The following CLIC5 variants were observed in gnomAD, a reference collection of about 807,000 sequenced individuals.
CLIC5 encodes the protein chloride intracellular channel protein 5.
Under a neutral mutation model 24.7 loss-of-function variants are expected in CLIC5, and 20 were observed. The ratio of observed to expected loss-of-function variants is 0.81; its 90% confidence interval spans 0.57 to 1.18. The LOEUF (loss-of-function observed/expected upper bound fraction) is 1.18. CLIC5 is among the 50% of genes most tolerant of loss of function. CLIC5 has a pLI of 0.00. For missense variants in CLIC5, 341 were observed against 326.1 expected, an observed-to-expected ratio of 1.05 and a Z score of -0.35; for synonymous variants, 159 against 135.6, an observed-to-expected ratio of 1.17 and a Z score of -1.20.
chr6:45,957,285 G>A (rs1176273546), intron 1 of CLIC5, among the ~76,000 whole-genome samples: 1 of 152,108 alleles, frequency 6.6e-6, no homozygotes, highest in African/African-American at 2.4e-5. Flanking sequence ...GTCAGGCATT[G>A]TTCTAAAGGA....
chr6:45,945,385 A>T (rs1764257311), intron 3 of CLIC5, among the ~76,000 whole-genome samples: 1 of 152,126 alleles, frequency 6.6e-6, no homozygotes, highest in Admixed American at 6.5e-5. Flanking sequence ...CTCTCACCTA[A>T]GTTGGGATCA....
At chr6:46,019,036 T>C (rs553518255), upstream of CLIC5, among the ~76,000 whole-genome samples, 34 of 151,280 alleles carry the variant, frequency 2.2e-4, no homozygotes, top group African/African-American at 8.0e-4. Context: ...ATGTGTATTG[T>C]AATCCCTAAA....
rs559810679 is a variant in CLIC5, at chr6:45,953,761, G to A, written c.173+1374C>T. On this transcript the variant is annotated intron_variant, in intron 2 of 5. Coordinates refer to ENST00000339561, the MANE Select transcript of CLIC5 (RefSeq NM_016929.5). ...ACATAAAGGATGGGTCAGAGAGAGA[G>A]AAAAAGAGAATGTGTGAACCTGGAA... 2.0e-5 allele frequency among the ~76,000 whole-genome samples: 3 copies of A among 152,252 alleles called. No individual in the cohort carries two copies. In the East Asian group the frequency reaches 5.8e-4, roughly 29 times the overall value.
At chr6:46,042,970 C>T (rs1283832679) in intron 1 of CLIC5, among the ~76,000 whole-genome samples, 2 of 152,202 alleles carry the variant, frequency 1.3e-5, no homozygotes, top group Admixed American at 1.3e-4. Context: ...TGCACGTTCT[C>T]TCTTGCTTAT....
intron 1 of CLIC5, among the ~76,000 whole-genome samples, chr6:46,071,587 G>A (rs1250193440): frequency 2.0e-5 from 3 of 152,010 alleles, no homozygotes; most frequent in South Asian, 4.1e-4. Flanking sequence ...AAAATAACAG[G>A]TGCTGGCAAA....
intron 1 of CLIC5, among the ~76,000 whole-genome samples, chr6:46,056,510 C>G (rs762710699): frequency 6.6e-6 from 1 of 152,144 alleles, no homozygotes; most frequent in African/African-American, 2.4e-5. Flanking sequence ...GTGTGTTGAG[C>G]AGCTCGTCCC....
chr6:45,933,873 G>A (rs1763836565), intron 4 of CLIC5, among the ~76,000 whole-genome samples: 1 of 152,170 alleles, frequency 6.6e-6, no homozygotes, highest in Non-Finnish European at 1.5e-5. Context: ...GAGAACACAG[G>A]GATTGTGAGA....
At chr6:45,941,408 G>GC (rs397775740) in intron 4 of CLIC5, 139 bp downstream of exon 4, 1 of 693,824 alleles carries the variant, frequency 1.4e-6, no homozygotes, top group East Asian at 2.6e-5. Context: ...GTGGCGGGGG[G>GC]TGGGGGCAAA....
chr6:45,939,214 C>G (rs1227540541), intron 4 of CLIC5, among the ~76,000 whole-genome samples: 4 of 148,722 alleles, frequency 2.7e-5, no homozygotes, highest in Non-Finnish European at 5.9e-5. Flanking sequence ...CCTCTCCTCT[C>G]CTCTTTTTTT....
chr6:46,101,609 CTGGCTTGTGTGGAGATT>C, the CLIC5 span, among the ~76,000 whole-genome samples: 1 of 152,162 alleles, frequency 6.6e-6, no homozygotes, highest in African/African-American at 2.4e-5. Flanking sequence ...CCAGCTAAAA[CTGGCTTGTGTGGAGATT>C]TGGCTATTAT....
the CLIC5 span, among the ~76,000 whole-genome samples, chr6:46,110,692 T>C: frequency 6.6e-6 from 1 of 152,136 alleles, no homozygotes. Flanking sequence ...TTCAAGATCT[T>C]GTGGGACCTC....
intron 1 of CLIC5, among the ~76,000 whole-genome samples, chr6:46,058,128 A>G (rs944993138): frequency 6.6e-6 from 1 of 152,044 alleles, no homozygotes; most frequent in African/African-American, 2.4e-5. Flanking sequence ...CACCTATATT[A>G]AGAACACTTG....
chr6:46,053,818 G>C (rs554226940), intron 1 of CLIC5, among the ~76,000 whole-genome samples: 5 of 152,156 alleles, frequency 3.3e-5, no homozygotes, highest in African/African-American at 4.8e-5. Context: ...CCTGGGGAGA[G>C]GCATTCCTCT....
intron 1 of CLIC5, among the ~76,000 whole-genome samples, chr6:45,960,968 A>G (rs972534661): frequency 6.6e-6 from 1 of 152,120 alleles, no homozygotes; most frequent in Admixed American, 6.5e-5. Flanking sequence ...TGTCATGGTT[A>G]CTCTTTTATC....
intron 1 of CLIC5, among the ~76,000 whole-genome samples, chr6:46,028,900 T>C (rs1767419587): frequency 6.6e-6 from 1 of 152,196 alleles, no homozygotes; most frequent in Non-Finnish European, 1.5e-5. Flanking sequence ...TAATAACATG[T>C]GTCTATCATT....
intron 4 of CLIC5, among the ~76,000 whole-genome samples, chr6:45,916,836 C>A (rs1763050245): frequency 6.6e-6 from 1 of 152,192 alleles, no homozygotes; most frequent in Non-Finnish European, 1.5e-5. Flanking sequence ...TCAGCACATT[C>A]TGGAAGGCAC....
intron 3 of CLIC5, among the ~76,000 whole-genome samples, chr6:45,942,040 A>G (rs959645413): frequency 6.6e-6 from 1 of 152,164 alleles, no homozygotes; most frequent in Admixed American, 6.5e-5. Flanking sequence ...CTTACCCGCT[A>G]AAATAACCAT....
At chr6:45,929,415 G>A (rs1292288322) in intron 4 of CLIC5, among the ~76,000 whole-genome samples, 2 of 152,160 alleles carry the variant, frequency 1.3e-5, no homozygotes, top group African/African-American at 4.8e-5. Context: ...GACCTCCGAG[G>A]TGGGTCCCAC....
intron 4 of CLIC5, among the ~76,000 whole-genome samples, chr6:45,931,337 A>G (rs1315669325): frequency 6.6e-6 from 1 of 152,190 alleles, no homozygotes; most frequent in East Asian, 1.9e-4. Context: ...GTTGCTATTT[A>G]CTGGAAATGG....
Sources: gnomAD v4.1 joint callset for allele counts (sites outside exome capture counted in the v4.1 genomes callset) on GRCh38, gnomAD v4.1.1 for gene constraint, MANE v1.5 for transcripts, NCBI Gene and HGNC (gene_info 2026-07-23, HGNC 2026-07-21) for gene names.